Variants in RABEP1 observed in about 807,000 individuals in gnomAD.
The protein encoded by RABEP1 is rab GTPase-binding effector protein 1.
A neutral mutation model predicts 123.4 loss-of-function variants in RABEP1; 51 were observed. The ratio of observed to expected loss-of-function variants is 0.41; its 90% confidence interval spans 0.33 to 0.52. The LOEUF is 0.52. Among genes scored for constraint, RABEP1 ranks in the 20% least tolerant of loss-of-function variants. RABEP1 has a pLI of 0.16. For missense variants in RABEP1, 888 were observed against 996.3 expected, an observed-to-expected ratio of 0.89 and a Z score of 1.46; for synonymous variants, 347 against 355.2, an observed-to-expected ratio of 0.98 and a Z score of 0.26.
chr17:5,328,318 T>C (rs1172251711), intron 2 of RABEP1, among the ~76,000 whole-genome samples: 1 of 152,128 alleles, frequency 6.6e-6, no homozygotes, highest in Non-Finnish European at 1.5e-5. Flanking sequence ...TTTTATATTG[T>C]TTCTATGCTT....
chr17:5,300,410 G>A (rs1003638115), intron 1 of RABEP1, among the ~76,000 whole-genome samples: 2 of 152,112 alleles, frequency 1.3e-5, no homozygotes, highest in Non-Finnish European at 2.9e-5. Context: ...GTAAAGTATC[G>A]TTTTCTTTGT....
Position 5,335,300 on chromosome 17 carries a change from T to A in RABEP1, c.484T>A (p.Ser162Thr), listed in dbSNP as rs1335095450. Residue 162 changes from serine (S) to threonine (T), a missense_variant, in exon 4 of 18, where the codon TCT becomes ACT. Physicochemically the swap from Ser to Thr is moderately conservative, Grantham distance 58 (BLOSUM62 1). Coordinates refer to ENST00000537505, the MANE Select transcript of RABEP1 (RefSeq NM_004703.6). Reference protein sequence around the residue: ...REIADLRRRLSEGQEEENLEN... With the variant: ...REIADLRRRLTEGQEEENLEN... ...AATAGCTGATTTAAGAAGAAGGCTG[T>A]CTGAAGGTCAAGAGGAGGAAAATTT... The A allele has an allele frequency of 1.9e-6, 3 of 1,613,934 alleles. No homozygotes were observed. Among genetic ancestry groups the A allele is most frequent in the Admixed American group, 1.7e-5 (1 of 60,008 alleles).
intron 1 of RABEP1, among the ~76,000 whole-genome samples, chr17:5,293,023 C>T (rs1169681325): frequency 6.6e-6 from 1 of 152,112 alleles, no homozygotes; most frequent in Non-Finnish European, 1.5e-5. Context: ...GGTGTGGTGG[C>T]TCATGCCTAT....
chr17:5,299,281 C>T (rs907930295), intron 1 of RABEP1, among the ~76,000 whole-genome samples: 5 of 152,118 alleles, frequency 3.3e-5, no homozygotes, highest in African/African-American at 1.2e-4. Flanking sequence ...ACTTCCTGCC[C>T]TGGACCTGGA....
At chr17:5,381,701 C>G in intron 17 of RABEP1, 196 bp downstream of exon 17, 1 of 817,136 alleles carries the variant, frequency 1.2e-6, no homozygotes, top group Non-Finnish European at 1.7e-6. Context: ...TTTTCTTTTT[C>G]TGTATGCCTT....
intron 5 of RABEP1, among the ~76,000 whole-genome samples, chr17:5,345,009 C>G (rs1348776467): frequency 6.6e-6 from 1 of 151,870 alleles, no homozygotes; most frequent in Admixed American, 6.6e-5. Flanking sequence ...TATGAGCTGT[C>G]GGTTAACAAA....
chr17:5,354,085 CT>C (rs1339042612), intron 7 of RABEP1, among the ~76,000 whole-genome samples: 4 of 151,274 alleles, frequency 2.6e-5, no homozygotes, highest in African/African-American at 9.7e-5. Context: ...GTTTTGCTTT[CT>C]TTTATTTTGC....
Position 5,384,449 on chromosome 17 carries a change from T to C in RABEP1, c.*1226T>C, listed in dbSNP as rs1173708761. On this transcript the variant is annotated 3_prime_UTR_variant, in exon 18 of 18. Transcript: ENST00000537505. ...CCAGGAGGTTCAAAAGTAAGATGGT[T>C]TTCAAATCATTTTTGAGACTGGTTG... 4.6e-6 allele frequency: 1 copy of C among 215,236 alleles called. No individual in the cohort carries two copies. The highest frequency in any genetic ancestry group is 7.0e-5 in the East Asian group (1 of 14,308). 13.3% of individuals were successfully genotyped at this position (215,236 alleles called of 1,614,324 possible). A position where few individuals can be genotyped will look rare whatever the true frequency, so the allele number is the denominator to read the frequency against.
Position 5,332,162 on chromosome 17 carries a change from G to A in RABEP1, c.367+10G>A, listed in dbSNP as rs1330030267. 1 of 1,608,886 alleles carries A rather than the reference G, an allele frequency of 6.2e-7. No homozygotes were observed. The highest frequency in any genetic ancestry group is 8.5e-7 in the Non-Finnish European group (1 of 1,177,098). On this transcript the variant is annotated intron_variant, in intron 3 of 17. Transcript: ENST00000537505. ...CAGGCTGTTATGAAAGGTAAAGACA[G>A]AGAAAGATCAATTTTGTGATTTTCT...
intron 13 of RABEP1, among the ~76,000 whole-genome samples, chr17:5,374,986 A>G (rs1458344895): frequency 1.3e-5 from 2 of 151,960 alleles, no homozygotes; most frequent in Admixed American, 1.3e-4. Flanking sequence ...CATGTTGGCC[A>G]GGCTGGTCTC....
chr17:5,310,940 G>T (rs569727862), intron 2 of RABEP1, among the ~76,000 whole-genome samples: 1 of 151,606 alleles, frequency 6.6e-6, no homozygotes, highest in Non-Finnish European at 1.5e-5. Flanking sequence ...CTCCCTAGTA[G>T]CTGGGGCTAC....
intron 2 of RABEP1, among the ~76,000 whole-genome samples, chr17:5,316,379 G>A (rs1249784463): frequency 6.8e-6 from 1 of 147,710 alleles, no homozygotes; most frequent in East Asian, 2.0e-4. Flanking sequence ...GAACCCGGGA[G>A]GTGGAGGTTG....
intron 1 of RABEP1, among the ~76,000 whole-genome samples, chr17:5,301,309 G>A (rs1198753153): frequency 6.6e-6 from 1 of 152,188 alleles, no homozygotes; most frequent in Non-Finnish European, 1.5e-5. Flanking sequence ...TTTGATTGGA[G>A]GAGGCTGGGT....
intron 2 of RABEP1, among the ~76,000 whole-genome samples, chr17:5,331,638 T>C (rs1036381252): frequency 6.6e-6 from 1 of 152,194 alleles, no homozygotes; most frequent in Non-Finnish European, 1.5e-5. Context: ...CCTTGTGAGG[T>C]GGCTGTTTTT....
chr17:5,298,901 C>T (rs11078556), intron 1 of RABEP1, among the ~76,000 whole-genome samples: 58,619 of 151,850 alleles, frequency 0.39, 12,171 homozygotes, highest in East Asian at 0.79. Flanking sequence ...GTGATCCGCC[C>T]GCCTCAGCCT....
rs145237411 is a variant in RABEP1 at position 5,310,037 on chromosome 17, A to G, written c.163+1215A>G. Among the ~76,000 whole-genome samples the G allele has an allele frequency of 2.0e-3, 299 of 152,338 alleles. 1 individual carries two copies. The highest frequency in any genetic ancestry group is 4.2e-3 in the Admixed American group (64 of 15,306). On this transcript the variant is annotated intron_variant, in intron 2 of 17. Transcript: ENST00000537505. ...CCTGGAGAGCTTGTTAAACCACAGT[A>G]TGTTTGGGTGGAGCCCAGAAATTTG...
At chr17:5,346,663 G>T (rs987285604) in intron 5 of RABEP1, 127 bp from the exon 6 acceptor site, 2 of 479,412 alleles carry the variant, frequency 4.2e-6, no homozygotes, top group Non-Finnish European at 6.6e-6. Context: ...AATTATAAAT[G>T]TTAATTTATG....
intron 1 of RABEP1, among the ~76,000 whole-genome samples, chr17:5,292,112 C>T (rs1264966217): frequency 1.3e-5 from 2 of 152,134 alleles, no homozygotes; most frequent in Non-Finnish European, 2.9e-5. Flanking sequence ...TTCTAGAAAG[C>T]CAGTTCTAGT....
At chr17:5,356,217 G>T (rs746963703) in intron 8 of RABEP1, among the ~76,000 whole-genome samples, 1 of 152,190 alleles carries the variant, frequency 6.6e-6, no homozygotes, top group Non-Finnish European at 1.5e-5. Flanking sequence ...TTAGCTGGGC[G>T]AGGTGGTGGA....
Sources: gnomAD v4.1 joint callset for allele counts (sites outside exome capture counted in the v4.1 genomes callset) on GRCh38, gnomAD v4.1.1 for gene constraint, MANE v1.5 for transcripts, NCBI Gene and HGNC (gene_info 2026-07-23, HGNC 2026-07-21) for gene names.